The following DOCK1 variants were observed in gnomAD, a reference collection of about 807,000 sequenced individuals.
The protein encoded by DOCK1 is dedicator of cytokinesis protein 1.
A neutral mutation model predicts 262.7 loss-of-function variants in DOCK1; 138 were observed. The observed-to-expected ratio is 0.53, with a 90% CI of 0.46 to 0.61. The LOEUF is 0.61. Ranked by LOEUF, DOCK1 falls within the 20% of genes least tolerant of loss-of-function variation. The pLI is 0.00. For missense variants in DOCK1, 1,908 were observed against 2,370.7 expected, an observed-to-expected ratio of 0.80 and a Z score of 4.05; for synonymous variants, 866 against 867.4, an observed-to-expected ratio of 1.00 and a Z score of 0.03.
At chr10:127,287,009 G>A (rs917073333) in intron 29 of DOCK1, among the ~76,000 whole-genome samples, 2 of 151,732 alleles carry the variant, frequency 1.3e-5, no homozygotes, top group African/African-American at 4.8e-5. Flanking sequence ...CTGGGTTCAT[G>A]CCGTTCTCCT....
At chr10:127,260,815 CTGCATGTGTG>C (rs1486199046) in intron 29 of DOCK1, among the ~76,000 whole-genome samples, 2 of 106,960 alleles carry the variant, frequency 1.9e-5, no homozygotes, top group Admixed American at 2.1e-4. Context: ...CTGTGTGTCC[CTGCATGTGTG>C]TGCATGGGTG....
chr10:126,930,384 C>T (rs2034099841), intron 1 of DOCK1, among the ~76,000 whole-genome samples: 1 of 152,254 alleles, frequency 6.6e-6, no homozygotes. Context: ...TTGGACACAG[C>T]AGCAAAGGCT....
At chr10:127,085,771 G>A (rs1038631183) in intron 23 of DOCK1, among the ~76,000 whole-genome samples, 1 of 152,058 alleles carries the variant, frequency 6.6e-6, no homozygotes, top group Non-Finnish European at 1.5e-5. Context: ...AAAAGAAAAA[G>A]AAAGGAACTC....
rs1385386953 is a variant in DOCK1 at position 127,146,450 on chromosome 10, A to G, written c.2847+18686A>G. Among the ~76,000 whole-genome samples, 3 of 152,236 alleles carry G rather than the reference A, an allele frequency of 2.0e-5. No homozygotes were observed. The East Asian group carries it at 5.8e-4, about 29-fold the overall frequency. ...ATATATTTTTGGATTTCAAATAGAA[A>G]AGAAAAAACTTGGATTATTAGCTTT... On this transcript the variant is annotated intron_variant, in intron 27 of 51. Transcript: ENST00000623213.
intron 29 of DOCK1, among the ~76,000 whole-genome samples, chr10:127,261,488 TC>T: frequency 7.1e-6 from 1 of 140,956 alleles, no homozygotes; most frequent in African/African-American, 2.7e-5. Context: ...CCCGTGCTCA[TC>T]TGTGTGTGTG....
rs1377762155 is a variant in DOCK1 at position 127,189,380 on chromosome 10, CAGTGAGCCTGGGCA to C, written c.2848-58627_2848-58614del. 1.4e-4 allele frequency among the ~76,000 whole-genome samples: 21 copies of C among 152,302 alleles called. No homozygotes were observed. In the East Asian group the frequency reaches 4.0e-3, roughly 29 times the overall value. ...CAGTGCAGTGTGGGGCCAACCCTGC[CAGTGAGCCTGGGCA>C]CTCTGTCTGAGGCTCCAGTGTCCAG... is the stretch of plus-strand genomic sequence containing the variant. On this transcript the variant is annotated intron_variant, in intron 27 of 51. Transcript: ENST00000623213.
intron 27 of DOCK1, among the ~76,000 whole-genome samples, chr10:127,130,408 G>C (rs1241993093): frequency 6.6e-6 from 1 of 152,124 alleles, no homozygotes; most frequent in African/African-American, 2.4e-5. Context: ...TTTATGCTAG[G>C]TGTGTGTTCA....
At chr10:127,238,074 A>G (rs1027070300) in intron 27 of DOCK1, among the ~76,000 whole-genome samples, 5 of 152,114 alleles carry the variant, frequency 3.3e-5, no homozygotes, top group African/African-American at 1.2e-4. Context: ...GCTTCATGCA[A>G]CTCCTATGAA....
At chr10:127,130,986 G>A (rs1001877978) in intron 27 of DOCK1, among the ~76,000 whole-genome samples, 3 of 152,130 alleles carry the variant, frequency 2.0e-5, no homozygotes, top group Non-Finnish European at 4.4e-5. Context: ...TCGTATCCAT[G>A]GTCCAACTCT....
chr10:127,360,977 G>A (rs933097524), intron 32 of DOCK1, among the ~76,000 whole-genome samples: 2 of 151,904 alleles, frequency 1.3e-5, no homozygotes, highest in Non-Finnish European at 2.9e-5. Context: ...CATGTAAATT[G>A]TAAATGCTAA....
At chr10:127,037,952 G>A in intron 19 of DOCK1, 136 bp downstream of exon 19, 2 of 712,576 alleles carry the variant, frequency 2.8e-6, no homozygotes, top group Admixed American at 3.4e-5. Context: ...GTGACATAGG[G>A]ATTGGGTGCG....
intron 27 of DOCK1, among the ~76,000 whole-genome samples, chr10:127,168,404 T>C (rs2054270934): frequency 6.6e-6 from 1 of 152,244 alleles, no homozygotes; most frequent in Admixed American, 6.5e-5. Context: ...AACAACCTTT[T>C]TGCTTCTGAT....
intron 27 of DOCK1, among the ~76,000 whole-genome samples, chr10:127,168,550 G>T (rs2054283641): frequency 6.6e-6 from 1 of 152,244 alleles, no homozygotes; most frequent in Non-Finnish European, 1.5e-5. Context: ...TGCAGAGGCT[G>T]TTGAGAGACT....
chr10:127,252,259 T>G (rs2059678221), intron 28 of DOCK1, among the ~76,000 whole-genome samples: 1 of 147,988 alleles, frequency 6.8e-6, no homozygotes, highest in Non-Finnish European at 1.5e-5. Flanking sequence ...TAAATTTGTT[T>G]GAGTTCATTG....
At chr10:127,449,351 T>C (rs1409737968) in intron 51 of DOCK1, among the ~76,000 whole-genome samples, 1 of 152,158 alleles carries the variant, frequency 6.6e-6, no homozygotes, top group African/African-American at 2.4e-5. Context: ...CTAGTCTCCC[T>C]ACACTAGTAA....
At chr10:127,183,781 A>G (rs888125135) in intron 27 of DOCK1, among the ~76,000 whole-genome samples, 5 of 152,182 alleles carry the variant, frequency 3.3e-5, no homozygotes, top group Non-Finnish European at 4.4e-5. Flanking sequence ...CAAAAGGTCT[A>G]TATATTGTAT....
rs776074246 is a variant in DOCK1, at chr10:127,010,567, C to T, written c.1059-1665C>T. ...CAGCAGCAGGGGAGGTCAGTGGCCC[C>T]GTCCTGGGCAGCACATACATAGCAC... On this transcript the variant is annotated intron_variant, in intron 11 of 51. Transcript: ENST00000623213. 3.9e-5 allele frequency among the ~76,000 whole-genome samples: 6 copies of T among 152,146 alleles called. No individual in the cohort carries two copies. The South Asian group carries it at 6.2e-4, about 16-fold the overall frequency.
At chr10:127,016,994 TACAG>T (rs2041975915) in intron 12 of DOCK1, among the ~76,000 whole-genome samples, 3 of 60,436 alleles carry the variant, frequency 5.0e-5, no homozygotes, top group Non-Finnish European at 3.1e-5. Flanking sequence ...CACACACAGA[TACAG>T]ACACCACAAA....
At chr10:127,166,317 G>A (rs951757978) in intron 27 of DOCK1, among the ~76,000 whole-genome samples, 11 of 151,970 alleles carry the variant, frequency 7.2e-5, no homozygotes, top group African/African-American at 1.7e-4. Flanking sequence ...CACCCACCTC[G>A]GCCTCCCAAA....
Sources: gnomAD v4.1 joint callset for allele counts (sites outside exome capture counted in the v4.1 genomes callset) on GRCh38, gnomAD v4.1.1 for gene constraint, MANE v1.5 for transcripts, NCBI Gene and HGNC (gene_info 2026-07-23, HGNC 2026-07-21) for gene names.